DOCK11: variants seen among roughly 807,000 people sequenced by gnomAD.
DOCK11 encodes dedicator of cytokinesis 11, also known as dedicator of cytokinesis protein 11.
Under a neutral mutation model 169.1 loss-of-function variants are expected in DOCK11, and 70 were observed. That is an observed-to-expected ratio of 0.41 (90% confidence interval 0.34 to 0.51). DOCK11 has a LOEUF of 0.51. DOCK11 is among the 20% of genes least tolerant of loss of function. The probability of loss-of-function intolerance (pLI) is 0.10; values close to 1 mark genes in which losing one functional copy is unlikely to be tolerated. For synonymous variants in DOCK11, 529 were observed against 541.3 expected, an observed-to-expected ratio of 0.98 and a Z score of 0.32; for missense variants, 1,166 against 1,538.8, an observed-to-expected ratio of 0.76 and a Z score of 4.05.
In DOCK11 at chrX:118,566,164, A is replaced by G. The variant is rs142574968; in HGVS notation, c.853A>G (p.Thr285Ala). 1,368 of 1,199,336 alleles carry G rather than the reference A, an allele frequency of 1.1e-3. 8 individuals carry two copies. In the African/African-American group the frequency reaches 0.021, roughly 18 times the overall value. The change falls in exon 8 of 53, where the codon ACG (threonine) becomes GCG (alanine). Residue 285 changes from threonine (T) to alanine (A), a missense_variant. Transcript: ENST00000276202. ...CAGTTTAGTTCAAGAAAAAAAGGAGACGGTAGAAACAGCACAAGGTCAGAA... is the reference window on the plus strand; with the variant it reads ...CAGTTTAGTTCAAGAAAAAAAGGAGGCGGTAGAAACAGCACAAGGTCAGAA... ...TDSLVQEKKE[T>A]VETAQDDETS...
At chrX:118,577,199 C>T (rs781707147) in intron 12 of DOCK11, among the ~76,000 whole-genome samples, 1 of 112,303 alleles carries the variant, frequency 8.9e-6, no homozygotes, top group Non-Finnish European at 1.9e-5. Context: ...GTTAGCGTAA[C>T]ACTGCACTCA....
chrX:118,499,165 T>A (rs754610318), intron 1 of DOCK11, among the ~76,000 whole-genome samples: 3 of 112,167 alleles, frequency 2.7e-5, no homozygotes, highest in African/African-American at 9.7e-5. Context: ...AGTTTTAAAT[T>A]TTTAAATTGA....
intron 1 of DOCK11, among the ~76,000 whole-genome samples, chrX:118,524,056 G>C (rs1320516129): frequency 8.9e-6 from 1 of 112,083 alleles, no homozygotes; most frequent in African/African-American, 3.2e-5. Flanking sequence ...CTGAGGAATC[G>C]TATAAGCCTG....
intron 19 of DOCK11, among the ~76,000 whole-genome samples, chrX:118,591,026 C>A (rs1437554520): frequency 1.8e-5 from 2 of 112,432 alleles, no homozygotes; most frequent in East Asian, 5.6e-4. Context: ...AATCTGTAGT[C>A]TCCTTTTGAT....
chrX:118,575,804 A>G (rs1241840001), intron 12 of DOCK11, among the ~76,000 whole-genome samples: 1 of 112,618 alleles, frequency 8.9e-6, no homozygotes, highest in Non-Finnish European at 1.9e-5. Context: ...AGTCATTTTA[A>G]GCCAATGTGT....
chrX:118,576,006 A>G (rs1205940927), intron 12 of DOCK11, among the ~76,000 whole-genome samples: 3 of 112,296 alleles, frequency 2.7e-5, no homozygotes, highest in Non-Finnish European at 5.6e-5. Context: ...AAATGATATA[A>G]TCACTACTGT....
intron 14 of DOCK11, among the ~76,000 whole-genome samples, chrX:118,582,133 A>T (rs936139723): frequency 1.8e-5 from 2 of 111,240 alleles, no homozygotes; most frequent in East Asian, 5.6e-4. Flanking sequence ...GTCTCGGGGA[A>T]AAAAAAAGTT....
intron 31 of DOCK11, 85 bp from the exon 32 acceptor site, chrX:118,624,454 T>C: frequency 1.7e-6 from 1 of 578,628 alleles, no homozygotes; most frequent in Admixed American, 3.0e-5. Context: ...TTTTTAGTCT[T>C]TAAATTGATA....
intron 4 of DOCK11, 70 bp from the exon 5 acceptor site, chrX:118,545,253 T>C (rs1196093088): frequency 4.2e-6 from 3 of 714,313 alleles, no homozygotes; most frequent in African/African-American, 5.2e-5. Context: ...ATTATTGTTG[T>C]GTTTTTGTGT....
At chrX:118,536,752 T>G (rs1462324167) in intron 1 of DOCK11, among the ~76,000 whole-genome samples, 1 of 111,526 alleles carries the variant, frequency 9.0e-6, no homozygotes, top group African/African-American at 3.3e-5. Flanking sequence ...CAAGGTCTGT[T>G]TTTTTATTCA....
chrX:118,513,811 T>C (rs1343589307), intron 1 of DOCK11, among the ~76,000 whole-genome samples: 1 of 111,502 alleles, frequency 9.0e-6, no homozygotes, highest in East Asian at 2.8e-4. Context: ...TTTGCTTCGT[T>C]GGGGTTACTT....
At chrX:118,629,302 A>C (rs1175695273) in intron 34 of DOCK11, among the ~76,000 whole-genome samples, 1 of 111,690 alleles carries the variant, frequency 9.0e-6, no homozygotes, top group African/African-American at 3.3e-5. Context: ...TAAAGGTCAG[A>C]GAGGTTGAAT....
In DOCK11 at chrX:118,554,865, G is replaced by A. The variant is rs184687993; in HGVS notation, c.559-6518G>A. On this transcript the variant is annotated intron_variant, in intron 6 of 52. Transcript: ENST00000276202. ...CTTCTGTAATATGGAGGGCATAACAGTAATGACCACATAAATTGTTACTAG... is the reference window on the plus strand; with the variant it reads ...CTTCTGTAATATGGAGGGCATAACAATAATGACCACATAAATTGTTACTAG... 1.2e-3 allele frequency among the ~76,000 whole-genome samples: 138 copies of A among 112,087 alleles called. 1 individual carries two copies. The highest frequency in any genetic ancestry group is 2.0e-3 in the Non-Finnish European group (104 of 53,184).
chrX:118,578,588 C>T lies in DOCK11; in HGVS notation c.1453C>T (p.Leu485=). ...IFLVARIEKV[L]QGNITHCAEP... is the part of the protein sequence containing the mutation. Reference sequence around the variant, plus strand: ...TCTAGTTGCCAGAATTGAAAAGGTACTACAGGGAAACATTACACACTGTGC... The same window carrying T: ...TCTAGTTGCCAGAATTGAAAAGGTATTACAGGGAAACATTACACACTGTGC... The change falls in exon 13 of 53, where the codon CTA becomes TTA. Residue 485 remains leucine (L), a synonymous_variant. Coordinates refer to ENST00000276202, the MANE Select transcript of DOCK11 (RefSeq NM_144658.4). 2 of 1,207,158 alleles carry T rather than the reference C, an allele frequency of 1.7e-6. No homozygotes were observed. The highest frequency in any genetic ancestry group is 2.2e-6 in the Non-Finnish European group (2 of 891,879).
intron 31 of DOCK11, among the ~76,000 whole-genome samples, chrX:118,621,547 A>G (rs2014972348): frequency 9.0e-6 from 1 of 111,641 alleles, no homozygotes; most frequent in African/African-American, 3.3e-5. Context: ...TTTCCAGCCA[A>G]TTGCCACTCC....
At chrX:118,612,362 T>A (rs2014705266) in intron 28 of DOCK11, among the ~76,000 whole-genome samples, 1 of 112,288 alleles carries the variant, frequency 8.9e-6, no homozygotes, top group African/African-American at 3.2e-5. Context: ...CATATCTTTT[T>A]AAAATAAACT....
intron 16 of DOCK11, 77 bp downstream of exon 16, chrX:118,585,194 G>A (rs2013781380): frequency 1.1e-6 from 1 of 927,267 alleles, no homozygotes. Flanking sequence ...TTTTTCTTGA[G>A]GTTTACGTGG....
intron 19 of DOCK11, among the ~76,000 whole-genome samples, chrX:118,591,878 C>T (rs375909102): frequency 0.011 from 874 of 80,948 alleles, 17 homozygotes; most frequent in East Asian, 0.037. Flanking sequence ...TGAGAACATG[C>T]GGTGTTTGGT....
chrX:118,581,933 C>A (rs894645387), intron 14 of DOCK11, among the ~76,000 whole-genome samples: 26 of 108,335 alleles, frequency 2.4e-4, no homozygotes, highest in African/African-American at 8.8e-4. Flanking sequence ...AGTTCAAGAC[C>A]AGCCTGGCCA....
Sources: allele counts gnomAD v4.1 joint callset (sites outside exome capture counted in the v4.1 genomes callset), GRCh38; gene constraint gnomAD v4.1.1; transcripts MANE v1.5; gene names NCBI Gene and HGNC (gene_info 2026-07-23, HGNC 2026-07-21).